OTUD7A: variants seen among roughly 807,000 people sequenced by gnomAD.
The protein encoded by OTUD7A is OTU domain-containing protein 7A.
Under a neutral mutation model 65.7 loss-of-function variants are expected in OTUD7A, and 12 were observed. That is an observed-to-expected ratio of 0.18 (90% confidence interval 0.12 to 0.30). OTUD7A has a LOEUF of 0.30. OTUD7A is among the 10% of genes least tolerant of loss of function. OTUD7A has a pLI of 1.00. For missense variants in OTUD7A, 1,148 were observed against 1,304.8 expected, an observed-to-expected ratio of 0.88 and a Z score of 1.85; for synonymous variants, 641 against 586.3, an observed-to-expected ratio of 1.09 and a Z score of -1.35.
chr15:31,616,039 G>C (rs1890575398), intron 3 of OTUD7A, among the ~76,000 whole-genome samples: 1 of 152,244 alleles, frequency 6.6e-6, no homozygotes, highest in African/African-American at 2.4e-5. Context: ...ACCCCCTCAG[G>C]ATGGTAGACA....
At chr15:31,786,755 G>A (rs1465582945) in intron 1 of OTUD7A, among the ~76,000 whole-genome samples, 4 of 152,168 alleles carry the variant, frequency 2.6e-5, no homozygotes. Context: ...GGAGGTGTAA[G>A]CAGGTCTCCC....
intron 3 of OTUD7A, among the ~76,000 whole-genome samples, chr15:31,607,556 C>T (rs537643604): frequency 6.6e-6 from 1 of 152,194 alleles, no homozygotes; most frequent in South Asian, 2.1e-4. Context: ...ATATAATATC[C>T]AAGACCCAAT....
At chr15:31,534,313 A>C (rs894395818) in intron 5 of OTUD7A, among the ~76,000 whole-genome samples, 26 of 152,228 alleles carry the variant, frequency 1.7e-4, no homozygotes, top group Non-Finnish European at 3.2e-4. Flanking sequence ...AAAATCACAT[A>C]ATCATATCAT....
At chr15:31,829,926 C>T (rs972192009) in intron 1 of OTUD7A, among the ~76,000 whole-genome samples, 43 of 152,212 alleles carry the variant, frequency 2.8e-4, no homozygotes, top group Non-Finnish European at 1.3e-4. Context: ...TCTCTGCTGC[C>T]GTGGTAGCCT....
intron 12 of OTUD7A, among the ~76,000 whole-genome samples, chr15:31,486,531 T>C (rs1175270230): frequency 6.6e-6 from 1 of 152,262 alleles, no homozygotes; most frequent in Non-Finnish European, 1.5e-5. Flanking sequence ...GGCAGTTCAC[T>C]ACTGAGATTT....
chr15:31,668,847 T>C (rs995223817), intron 1 of OTUD7A, among the ~76,000 whole-genome samples: 3 of 152,164 alleles, frequency 2.0e-5, no homozygotes, highest in African/African-American at 4.8e-5. Context: ...GCGTGTTCCA[T>C]TGTAGCAGTA....
intron 1 of OTUD7A, among the ~76,000 whole-genome samples, chr15:31,797,833 C>G (rs1896012202): frequency 6.6e-6 from 1 of 152,152 alleles, no homozygotes; most frequent in South Asian, 2.1e-4. Context: ...AGTTATGGAA[C>G]GTTGTATTAG....
chr15:31,606,066 C>T (rs543267194), intron 3 of OTUD7A, among the ~76,000 whole-genome samples: 50 of 152,344 alleles, frequency 3.3e-4, no homozygotes, highest in African/African-American at 1.1e-3. Context: ...GCTAGATGAC[C>T]TTCAACCAAT....
At chr15:31,519,117 G>GCT (rs2041903641) in intron 8 of OTUD7A, among the ~76,000 whole-genome samples, 2 of 89,934 alleles carry the variant, frequency 2.2e-5, no homozygotes, top group South Asian at 2.8e-4. Context: ...CTAGCACTGT[G>GCT]CTGTGTGTGT....
At chr15:31,789,103 TA>T (rs1400118533) in intron 1 of OTUD7A, among the ~76,000 whole-genome samples, 4 of 152,024 alleles carry the variant, frequency 2.6e-5, no homozygotes, top group South Asian at 4.2e-4. Context: ...TTCATTTTTT[TA>T]ATACTCTGAG....
chr15:31,679,930 T>C (rs1195883531), intron 1 of OTUD7A, among the ~76,000 whole-genome samples: 1 of 152,162 alleles, frequency 6.6e-6, no homozygotes, highest in South Asian at 2.1e-4. Flanking sequence ...AAACAAGGCA[T>C]TGGTATTCAA....
chr15:31,669,850 A>C (rs549220271), intron 1 of OTUD7A, among the ~76,000 whole-genome samples: 1 of 150,814 alleles, frequency 6.6e-6, no homozygotes, highest in South Asian at 2.1e-4. Flanking sequence ...CCTGTATTTC[A>C]CTCAGTTCTT....
intron 3 of OTUD7A, among the ~76,000 whole-genome samples, chr15:31,644,573 T>A (rs1168149687): frequency 6.6e-6 from 1 of 152,156 alleles, no homozygotes; most frequent in East Asian, 1.9e-4. Context: ...ACTCTTGGGC[T>A]CAAGTGATCT....
At chr15:31,866,698 C>T (rs1292369111) in intron 1 of OTUD7A, among the ~76,000 whole-genome samples, 1 of 152,144 alleles carries the variant, frequency 6.6e-6, no homozygotes, top group Non-Finnish European at 1.5e-5. Flanking sequence ...ATCTTATTCC[C>T]ATTTTGTCCT....
chr15:31,610,626 T>A (rs1481756407), intron 3 of OTUD7A, among the ~76,000 whole-genome samples: 4 of 98,608 alleles, frequency 4.1e-5, no homozygotes, highest in African/African-American at 1.6e-4. Flanking sequence ...TATTTTTTTT[T>A]TTTTTTTTTT....
In OTUD7A at chr15:31,600,169, C is replaced by G. The variant is rs568292281; in HGVS notation, c.152-29972G>C. 3.9e-5 allele frequency among the ~76,000 whole-genome samples: 6 copies of G among 152,306 alleles called. No individual in the cohort carries two copies. The South Asian group carries it at 1.2e-3, about 32-fold the overall frequency. On this transcript the variant is annotated intron_variant, in intron 3 of 12. Transcript: ENST00000307050. ...CCACAAAGATACTCCTCGAGAAGAGCATCCCCAAGACACATAATCCCAAGA... is the reference window on the plus strand; with the variant it reads ...CCACAAAGATACTCCTCGAGAAGAGGATCCCCAAGACACATAATCCCAAGA...
rs72726906 is a variant in OTUD7A at position 31,521,457 on chromosome 15, G to A, written c.893+4892C>T. On this transcript the variant is annotated intron_variant, in intron 8 of 12. Transcript: ENST00000307050. ...CATCTGCAAAGTGAGGACACCTTAC[G>A]TTAGCAGATGCTCTTTCTGCTTGGT... Among the ~76,000 whole-genome samples, 617 of 152,120 alleles carry A rather than the reference G, an allele frequency of 4.1e-3. 3 individuals are homozygous for A. Among genetic ancestry groups the A allele is most frequent in the Non-Finnish European group, 6.2e-3 (425 of 68,012 alleles).
rs542776941 is a variant in OTUD7A at position 31,681,437 on chromosome 15, ACT to A, written c.-99-24362_-99-24361del. Among the ~76,000 whole-genome samples, 928 of 140,824 alleles carry A rather than the reference ACT, an allele frequency of 6.6e-3. 7 individuals are homozygous for A. The highest frequency in any genetic ancestry group is 0.012 in the Middle Eastern group (3 of 252). 92.4% of individuals were successfully genotyped at this position (140,824 alleles called of 152,430 possible). ...ACCTGTCTGTCTCTCTATGCTAGAA[ACT>A]CTCTGTTTTTCTGTCTGTCCATCTG... On this transcript the variant is annotated intron_variant, in intron 1 of 12. Coordinates refer to ENST00000307050, the MANE Select transcript of OTUD7A (RefSeq NM_001382637.1).
chr15:31,594,189 A>T (rs1889837267), intron 3 of OTUD7A, among the ~76,000 whole-genome samples: 1 of 152,184 alleles, frequency 6.6e-6, no homozygotes, highest in Non-Finnish European at 1.5e-5. Flanking sequence ...CAGCCTTCTC[A>T]TGTGGGATTT....
Sources: allele counts gnomAD v4.1 joint callset (sites outside exome capture counted in the v4.1 genomes callset), GRCh38; gene constraint gnomAD v4.1.1; transcripts MANE v1.5; gene names NCBI Gene and HGNC (gene_info 2026-07-23, HGNC 2026-07-21).